MCC: variants seen among roughly 807,000 people sequenced by gnomAD.
MCC encodes the protein MCC regulator of Wnt signaling pathway.
In MCC, 90 loss-of-function variants were observed where a neutral mutation model predicts 116.2. The observed-to-expected ratio is 0.77, with a 90% CI of 0.65 to 0.92. The LOEUF is 0.92. Ranked by LOEUF, MCC falls within the 40% of genes least tolerant of loss-of-function variation. The probability of loss-of-function intolerance (pLI) is 0.00; values close to 1 mark genes in which losing one functional copy is unlikely to be tolerated. For synonymous variants in MCC, 578 were observed against 510.5 expected (o/e 1.13, Z -1.78); for missense variants, 1,516 against 1,312.2 (o/e 1.16, Z -2.40).
At chr5:113,070,019 T>C (rs890028398) in intron 12 of MCC, among the ~76,000 whole-genome samples, 5 of 152,306 alleles carry the variant, frequency 3.3e-5, no homozygotes, top group African/African-American at 1.2e-4. Context: ...TCCTTATCCA[T>C]GAGGTTGTAC....
intron 3 of MCC, among the ~76,000 whole-genome samples, chr5:113,246,257 T>C (rs1043360065): frequency 7.2e-5 from 11 of 152,316 alleles, no homozygotes; most frequent in African/African-American, 2.4e-4. Context: ...TAATCTCTAA[T>C]CAGAGGTTCA....
intron 14 of MCC, among the ~76,000 whole-genome samples, chr5:113,054,316 A>G (rs1416586423): frequency 1.3e-5 from 2 of 152,250 alleles, no homozygotes; most frequent in Non-Finnish European, 2.9e-5. Context: ...TGGACATTAC[A>G]GTGATAATTG....
At chr5:113,278,479 A>G (rs958192555) in intron 3 of MCC, among the ~76,000 whole-genome samples, 6 of 152,252 alleles carry the variant, frequency 3.9e-5, no homozygotes, top group African/African-American at 1.4e-4. Flanking sequence ...CGGGGAACAC[A>G]GGAGAGGAGA....
At chr5:113,474,043 A>C (rs1772167794) in intron 1 of MCC, among the ~76,000 whole-genome samples, 1 of 152,228 alleles carries the variant, frequency 6.6e-6, no homozygotes, top group Non-Finnish European at 1.5e-5. Flanking sequence ...GATCTTTTAG[A>C]TTAGGTAAAA....
chr5:113,211,038 T>C (rs1204195738), intron 3 of MCC, among the ~76,000 whole-genome samples: 1 of 152,052 alleles, frequency 6.6e-6, no homozygotes, highest in Non-Finnish European at 1.5e-5. Flanking sequence ...GGATTGCCTA[T>C]TAACATGATG....
rs1751667587 is a variant in MCC, at chr5:113,040,921, G to T, written c.2756+2609C>A. The stretch of plus-strand genomic sequence containing the variant: ...GCCAGCAAAGGCCTCTGAGGTTTGG[G>T]GAATTTGAAAAACTTAAGGGCTTAG... On this transcript the variant is annotated intron_variant, in intron 17 of 18. Transcript: ENST00000408903. 2.6e-5 allele frequency among the ~76,000 whole-genome samples: 4 copies of T among 152,144 alleles called. No individual in the cohort carries two copies. The South Asian group carries it at 8.3e-4, about 32-fold the overall frequency.
At chr5:113,349,754 C>T (rs915089877) in intron 2 of MCC, among the ~76,000 whole-genome samples, 1 of 151,858 alleles carries the variant, frequency 6.6e-6, no homozygotes, top group Admixed American at 6.6e-5. Flanking sequence ...GTCAAATTAT[C>T]CTAGTTTACA....
In MCC at chr5:113,104,451, T is replaced by C. The variant is rs529806361; in HGVS notation, c.1028-96A>G. On this transcript the variant is annotated intron_variant, in intron 6 of 18. Transcript: ENST00000408903. ...ACTCATTCAGGTAATGGGATGGCAA[T>C]GGAGCCTGACATTTCAAAGTTCAAC... 5.9e-4 allele frequency: 643 copies of C among 1,092,626 alleles called. 1 individual carries two copies. Among genetic ancestry groups the C allele is most frequent in the Non-Finnish European group, 7.7e-4 (593 of 775,144 alleles). The allele number at this position is 1,092,626 out of a possible 1,614,324, so 67.7% of individuals were successfully genotyped here.
At position 113,164,764 on chromosome 5, in the gene MCC, G is replaced by T. The variant is rs77456891; in HGVS notation, c.628-13342C>A. Among the ~76,000 whole-genome samples, 1,460 of 152,284 alleles carry T rather than the reference G, an allele frequency of 9.6e-3. 14 individuals are homozygous for T. Among genetic ancestry groups the T allele is most frequent in the Middle Eastern group, 0.02 (6 of 294 alleles). ...CATTTTGAGATCCCATATCTGGTGTGGGCTAAGGGAGAGAGCCTGAGGACT... is the reference window on the plus strand; with the variant it reads ...CATTTTGAGATCCCATATCTGGTGTTGGCTAAGGGAGAGAGCCTGAGGACT... On this transcript the variant is annotated intron_variant, in intron 3 of 18. Transcript: ENST00000408903.
Position 113,220,157 on chromosome 5 carries a change from A to G in MCC, c.628-68735T>C, listed in dbSNP as rs1488950515. ...ACTGCAAGCTCCACCTCCCGGGTTC[A>G]CGCCATTTTCCTGCCGCAGCCTCCT... is the stretch of plus-strand genomic sequence containing the variant. On this transcript the variant is annotated intron_variant, in intron 3 of 18. Coordinates refer to ENST00000408903, the MANE Select transcript of MCC (RefSeq NM_001085377.2). 6.9e-5 allele frequency among the ~76,000 whole-genome samples: 5 copies of G among 72,456 alleles called. 1 individual carries two copies. The highest frequency in any genetic ancestry group is 1.3e-4 in the African/African-American group (5 of 37,072). 47.5% of individuals were successfully genotyped at this position (72,456 alleles called of 152,430 possible). A position where few individuals can be genotyped will look rare whatever the true frequency, so the allele number is the denominator to read the frequency against.
intron 3 of MCC, among the ~76,000 whole-genome samples, chr5:113,212,427 C>T (rs1054837149): frequency 6.6e-6 from 1 of 152,118 alleles, no homozygotes; most frequent in African/African-American, 2.4e-5. Flanking sequence ...GGCTTCATAC[C>T]ATTCTTGGAA....
chr5:113,459,746 C>G (rs1377208036), intron 1 of MCC, among the ~76,000 whole-genome samples: 1 of 151,508 alleles, frequency 6.6e-6, no homozygotes. Context: ...ACTTAAAAGT[C>G]AAAGGGCAGA....
At chr5:113,095,203 A>T (rs1755931216) in intron 8 of MCC, among the ~76,000 whole-genome samples, 1 of 152,076 alleles carries the variant, frequency 6.6e-6, no homozygotes, top group Non-Finnish European at 1.5e-5. Context: ...TCTGCATGGG[A>T]GTGGGGCTAG....
intron 3 of MCC, among the ~76,000 whole-genome samples, chr5:113,228,646 C>T (rs1419412676): frequency 6.6e-6 from 1 of 152,086 alleles, no homozygotes; most frequent in Non-Finnish European, 1.5e-5. Flanking sequence ...GGCTTTTATA[C>T]TGAGTGCAAG....
chr5:113,119,555 G>T (rs1351544194), intron 6 of MCC, among the ~76,000 whole-genome samples: 1 of 152,226 alleles, frequency 6.6e-6, no homozygotes, highest in African/African-American at 2.4e-5. Flanking sequence ...CCAGAAGCAG[G>T]GACCGCCCTG....
chr5:113,304,139 C>G (rs992765594), intron 3 of MCC, among the ~76,000 whole-genome samples: 1 of 152,060 alleles, frequency 6.6e-6, no homozygotes, highest in Non-Finnish European at 1.5e-5. Flanking sequence ...CATGGTTGAC[C>G]CCTCCTAAAA....
At chr5:113,356,221 G>C (rs1768408595) in intron 2 of MCC, among the ~76,000 whole-genome samples, 1 of 151,582 alleles carries the variant, frequency 6.6e-6, no homozygotes, top group Non-Finnish European at 1.5e-5. Flanking sequence ...GTTTTTTATA[G>C]AGACTGGGTC....
chr5:113,214,437 T>TGGTA (rs1561462369), intron 3 of MCC, among the ~76,000 whole-genome samples: 1 of 152,192 alleles, frequency 6.6e-6, no homozygotes, highest in South Asian at 2.1e-4. Context: ...CATGGAACAA[T>TGGTA]GGTAGATCCT....
At chr5:113,058,516 C>T (rs1026315784) in intron 14 of MCC, among the ~76,000 whole-genome samples, 1 of 152,178 alleles carries the variant, frequency 6.6e-6, no homozygotes, top group African/African-American at 2.4e-5. Context: ...CACTGGTCTC[C>T]CCCTCAGGCT....
Sources: allele counts gnomAD v4.1 joint callset (sites outside exome capture counted in the v4.1 genomes callset), GRCh38; gene constraint gnomAD v4.1.1; transcripts MANE v1.5; gene names NCBI Gene and HGNC (gene_info 2026-07-23, HGNC 2026-07-21).